Variants in KDM4B observed in about 807,000 individuals in gnomAD.
KDM4B encodes the protein lysine demethylase 4B, also known as lysine-specific demethylase 4B.
Under a neutral mutation model 125.2 loss-of-function variants are expected in KDM4B, and 32 were observed. That is an observed-to-expected ratio of 0.26 (90% CI 0.19 to 0.34). KDM4B has a LOEUF of 0.34. Among genes scored for constraint, KDM4B ranks in the 10% least tolerant of loss-of-function variants. KDM4B has a pLI of 1.00. For missense variants in KDM4B, 1,190 were observed against 1,577.7 expected (o/e 0.75, Z 4.16); for synonymous variants, 721 against 677.9 (o/e 1.06, Z -0.99).
intron 1 of KDM4B, among the ~76,000 whole-genome samples, chr19:5,004,274 C>T (rs552485025): frequency 5.3e-5 from 8 of 152,328 alleles, no homozygotes; most frequent in African/African-American, 1.9e-4. Flanking sequence ...ACGCCGGCCC[C>T]TGGCACTTTC....
At chr19:5,007,903 A>G (rs1197128946) in intron 1 of KDM4B, among the ~76,000 whole-genome samples, 1 of 152,064 alleles carries the variant, frequency 6.6e-6, no homozygotes, top group African/African-American at 2.4e-5. Context: ...CTTTTTCCAC[A>G]TGCACTTTTG....
chr19:5,111,555 G>A (rs752761109), intron 10 of KDM4B: 1 of 759,570 alleles, frequency 1.3e-6, no homozygotes, highest in Non-Finnish European at 2.4e-6. Context: ...GCGAGCACCG[G>A]CCTCCCCAGC....
chr19:5,107,966 G>A lies in KDM4B; in HGVS notation c.919-2656G>A, dbSNP rs556964463. Reference sequence around the variant, plus strand: ...GAGACTTGCAGGAATGCTCCCAGCCGCCACCTCCTTCCAGTCCAGCCGTGG... The same window carrying A: ...GAGACTTGCAGGAATGCTCCCAGCCACCACCTCCTTCCAGTCCAGCCGTGG... On this transcript the variant is annotated intron_variant, in intron 9 of 22. Transcript: ENST00000159111. Among the ~76,000 whole-genome samples, 17 of 152,338 alleles carry A rather than the reference G, an allele frequency of 1.1e-4. 1 individual carries two copies. Among genetic ancestry groups the A allele is most frequent in the East Asian group, 7.7e-4 (4 of 5,184 alleles).
At chr19:5,033,764 C>G (rs1028007270) in intron 3 of KDM4B, among the ~76,000 whole-genome samples, 1 of 152,302 alleles carries the variant, frequency 6.6e-6, no homozygotes, top group Non-Finnish European at 1.5e-5. Context: ...CTCTCTCTCT[C>G]GGCATATTGT....
At chr19:5,104,828 G>T (rs543773632) in intron 9 of KDM4B, among the ~76,000 whole-genome samples, 1 of 152,302 alleles carries the variant, frequency 6.6e-6, no homozygotes, top group Admixed American at 6.5e-5. Context: ...GCAAACCCGG[G>T]AGAACCAGAG....
chr19:5,071,118 T>TG, intron 7 of KDM4B, 59 bp downstream of exon 7: 2 of 1,536,822 alleles, frequency 1.3e-6, no homozygotes, highest in Non-Finnish European at 1.8e-6. Flanking sequence ...GGCCTGTGGG[T>TG]GGGGAAGGGC....
rs1233432106 is a variant in KDM4B at position 5,142,255 on chromosome 19, A to G, written c.2551-1712A>G. Among the ~76,000 whole-genome samples the G allele has an allele frequency of 6.6e-6, 1 of 152,054 alleles. No homozygotes were observed. Among genetic ancestry groups the G allele is most frequent in the Non-Finnish European group, 1.5e-5 (1 of 67,968 alleles). ...GCCGTAGACCCTGACTCCCCGGCAC[A>G]CACTGGCCTGGGCCAGGCCAGCACT... is the stretch of plus-strand genomic sequence containing the variant. On this transcript the variant is annotated intron_variant, in intron 18 of 22. Coordinates refer to ENST00000159111, the MANE Select transcript of KDM4B (RefSeq NM_015015.3). The surrounding 1 kb of genome is among the most constrained non-coding windows in gnomAD (Gnocchi z 5.4).
chr19:5,093,461 C>T (rs1325902523), intron 9 of KDM4B, among the ~76,000 whole-genome samples: 1 of 152,134 alleles, frequency 6.6e-6, no homozygotes, highest in African/African-American at 2.4e-5. Context: ...TGGGAGCCGG[C>T]GCCTAATTGT....
chr19:5,144,722 C>G, intron 20 of KDM4B, 61 bp from the exon 21 acceptor site: 4 of 1,602,108 alleles, frequency 2.5e-6, no homozygotes, highest in Non-Finnish European at 3.4e-6. Flanking sequence ...GGTCTAAAAC[C>G]CAGCGACAGC....
Position 5,070,862 on chromosome 19 carries a change from C to T in KDM4B, c.627-148C>T, listed in dbSNP as rs113083154. 1,415 of 684,552 alleles carry T rather than the reference C, an allele frequency of 2.1e-3. 15 individuals are homozygous for T. In the African/African-American group the frequency reaches 0.023, roughly 11 times the overall value. 42.4% of individuals were successfully genotyped at this position (684,552 alleles called of 1,614,324 possible). Reference sequence around the variant, plus strand: ...CCGTCCTGAAAGCCCCCACCCCCGGCCATCCCCTCCACACAGTCCTGACCA... The same window carrying T: ...CCGTCCTGAAAGCCCCCACCCCCGGTCATCCCCTCCACACAGTCCTGACCA... On this transcript the variant is annotated intron_variant, in intron 6 of 22. Coordinates refer to ENST00000159111, the MANE Select transcript of KDM4B (RefSeq NM_015015.3).
chr19:5,147,888 C>T (rs1456820730), intron 21 of KDM4B, among the ~76,000 whole-genome samples: 1 of 152,170 alleles, frequency 6.6e-6, no homozygotes, highest in Non-Finnish European at 1.5e-5. Context: ...GGACCTCGAT[C>T]ACACAATCAT....
At chr19:5,144,481 C>A in intron 20 of KDM4B, 69 bp downstream of exon 20, 1 of 1,042,338 alleles carries the variant, frequency 9.6e-7, no homozygotes, top group Non-Finnish European at 1.4e-6. Flanking sequence ...ACCCTGAGAG[C>A]ATCACGGTGA....
At chr19:5,138,317 T>G in intron 18 of KDM4B, 1 of 535,978 alleles carries the variant, frequency 1.9e-6, no homozygotes, top group Middle Eastern at 5.1e-4. Flanking sequence ...GCAGGCCCCG[T>G]CAGGTGTGGC....
chr19:5,135,045 A>T (rs190764807), intron 14 of KDM4B, among the ~76,000 whole-genome samples: 1,892 of 152,250 alleles, frequency 0.012, 26 homozygotes, highest in Non-Finnish European at 0.02. Flanking sequence ...CCCCAGCGCC[A>T]GGGGCCACCC....
intron 1 of KDM4B, among the ~76,000 whole-genome samples, chr19:4,979,423 G>T (rs1328885766): frequency 2.0e-5 from 3 of 152,252 alleles, no homozygotes; most frequent in Non-Finnish European, 2.9e-5. Flanking sequence ...GAGAGCAGAG[G>T]AAGTAGCGAG....
chr19:4,970,992 C>T (rs953924710), intron 1 of KDM4B, among the ~76,000 whole-genome samples: 6 of 152,030 alleles, frequency 3.9e-5, no homozygotes, highest in African/African-American at 1.4e-4. Flanking sequence ...AAGGGGGTAA[C>T]GGAGATTCTG....
chr19:4,974,334 G>T (rs952560185), intron 1 of KDM4B, among the ~76,000 whole-genome samples: 1 of 151,572 alleles, frequency 6.6e-6, no homozygotes, highest in African/African-American at 2.4e-5. Flanking sequence ...CCCGAGAGGC[G>T]GAGCTTGCAG....
At chr19:5,062,776 T>G (rs1034341546) in intron 6 of KDM4B, among the ~76,000 whole-genome samples, 1 of 26,470 alleles carries the variant, frequency 3.8e-5, no homozygotes, top group Admixed American at 3.2e-4. Context: ...AATTAAACTG[T>G]TTTTTTTTTT....
chr19:5,037,528 T>G (rs950241925), intron 3 of KDM4B, among the ~76,000 whole-genome samples: 1 of 152,212 alleles, frequency 6.6e-6, no homozygotes, highest in African/African-American at 2.4e-5. Context: ...CCTTTTGCAC[T>G]GTGGCCATAG....
Sources: gnomAD v4.1 joint callset for allele counts (sites outside exome capture counted in the v4.1 genomes callset) on GRCh38, gnomAD v4.1.1 for gene constraint, Gnocchi (gnomAD v3.1) non-coding constraint, MANE v1.5 for transcripts, NCBI Gene and HGNC (gene_info 2026-07-23, HGNC 2026-07-21) for gene names.